The following SPAG16 variants were observed in gnomAD, a reference collection of about 807,000 sequenced individuals.
SPAG16 encodes sperm-associated antigen 16 protein.
A neutral mutation model predicts 80.4 loss-of-function variants in SPAG16; 86 were observed. The observed-to-expected ratio is 1.07, with a 90% CI of 0.90 to 1.28. The LOEUF (loss-of-function observed/expected upper bound fraction) is 1.28. SPAG16 is among the 50% of genes most tolerant of loss of function. The probability of loss-of-function intolerance (pLI) is 0.00; values close to 1 mark genes in which losing one functional copy is unlikely to be tolerated. For missense variants in SPAG16, 870 were observed against 765.3 expected (o/e 1.14, Z -1.61); for synonymous variants, 294 against 265.9 (o/e 1.11, Z -1.03).
chr2:214,391,664 G>T (rs1368060671), intron 15 of SPAG16, among the ~76,000 whole-genome samples: 1 of 152,182 alleles, frequency 6.6e-6, no homozygotes, highest in Non-Finnish European at 1.5e-5. Context: ...AACAGAGTGG[G>T]AGAAGTAGGG....
intron 7 of SPAG16, among the ~76,000 whole-genome samples, chr2:213,362,197 C>G (rs1052088188): frequency 6.6e-6 from 1 of 152,132 alleles, no homozygotes; most frequent in Non-Finnish European, 1.5e-5. Context: ...AGTGATCAAA[C>G]CTTCTGAAAC....
chr2:213,818,776 G>C (rs182839946), intron 10 of SPAG16, among the ~76,000 whole-genome samples: 3 of 152,100 alleles, frequency 2.0e-5, no homozygotes, highest in African/African-American at 4.8e-5. Context: ...TGCCATTCTC[G>C]TGATAGTGAG....
At chr2:213,885,446 T>C (rs1295237148) in intron 11 of SPAG16, among the ~76,000 whole-genome samples, 1 of 152,188 alleles carries the variant, frequency 6.6e-6, no homozygotes, top group Non-Finnish European at 1.5e-5. Context: ...TGCACATTGA[T>C]TTTGTTTCCT....
chr2:213,310,319 AACACACACACACACACACAC>A (rs59407158), intron 4 of SPAG16, 142 bp downstream of exon 4: 51,472 of 347,478 alleles, frequency 0.15, 4,517 homozygotes, highest in Non-Finnish European at 0.19. Context: ...CTGAAACCAC[AACACACACACACACACACAC>A]ACACACACAC....
chr2:214,224,297 A>G (rs1035697847), intron 15 of SPAG16, among the ~76,000 whole-genome samples: 1 of 152,192 alleles, frequency 6.6e-6, no homozygotes, highest in Non-Finnish European at 1.5e-5. Flanking sequence ...AAAATGTTTC[A>G]CAAACAATGA....
At chr2:213,716,973 AT>A (rs1358827141) in intron 10 of SPAG16, among the ~76,000 whole-genome samples, 2 of 151,814 alleles carry the variant, frequency 1.3e-5, no homozygotes, top group Admixed American at 6.6e-5. Flanking sequence ...GTTTGTGCTT[AT>A]TTTTTTTCCT....
chr2:214,204,426 T>G (rs1195505000), intron 15 of SPAG16, among the ~76,000 whole-genome samples: 1 of 152,202 alleles, frequency 6.6e-6, no homozygotes, highest in East Asian at 1.9e-4. Flanking sequence ...AGAGTCCACT[T>G]CATTCCCCTG....
At chr2:213,482,146 A>G (rs1488541632) in intron 9 of SPAG16, among the ~76,000 whole-genome samples, 1 of 152,256 alleles carries the variant, frequency 6.6e-6, no homozygotes, top group Non-Finnish European at 1.5e-5. Context: ...ACATTGTGCA[A>G]GGGAGCTTCG....
At chr2:214,290,857 T>C (rs1280649957) in intron 15 of SPAG16, among the ~76,000 whole-genome samples, 1 of 152,224 alleles carries the variant, frequency 6.6e-6, no homozygotes, top group South Asian at 2.1e-4. Context: ...TATTTTGTAA[T>C]TTTGGATAAA....
At chr2:213,371,737 A>C (rs2066648385) in intron 8 of SPAG16, among the ~76,000 whole-genome samples, 1 of 152,172 alleles carries the variant, frequency 6.6e-6, no homozygotes, top group Non-Finnish European at 1.5e-5. Context: ...TTTAGGGAAT[A>C]AGATGCAAAT....
chr2:214,109,152 T>C (rs1187769798), intron 14 of SPAG16, among the ~76,000 whole-genome samples: 1 of 152,186 alleles, frequency 6.6e-6, no homozygotes, highest in African/African-American at 2.4e-5. Flanking sequence ...TGCCATGCTC[T>C]GGGACTTCCC....
chr2:213,933,050 G>A (rs542487037), intron 12 of SPAG16, among the ~76,000 whole-genome samples: 3 of 151,570 alleles, frequency 2.0e-5, no homozygotes, highest in South Asian at 4.2e-4. Flanking sequence ...TGAATAAAGA[G>A]TGATTCAACA....
At chr2:213,607,649 A>G (rs944436244) in intron 10 of SPAG16, among the ~76,000 whole-genome samples, 1 of 152,218 alleles carries the variant, frequency 6.6e-6, no homozygotes, top group Non-Finnish European at 1.5e-5. Flanking sequence ...ACCGGAATCT[A>G]CTGATTCAAA....
intron 14 of SPAG16, among the ~76,000 whole-genome samples, chr2:214,119,594 G>T (rs1015968658): frequency 3.3e-5 from 5 of 152,008 alleles, no homozygotes. Flanking sequence ...GCTCTTGCTG[G>T]ACTTTTCCAT....
intron 10 of SPAG16, among the ~76,000 whole-genome samples, chr2:213,582,928 A>G (rs2060344350): frequency 6.6e-6 from 1 of 152,190 alleles, no homozygotes; most frequent in South Asian, 2.1e-4. Context: ...AATTTTTTAA[A>G]AGGTGATAAT....
At position 213,790,813 on chromosome 2, in the gene SPAG16, A is replaced by T. The variant is rs564582656; in HGVS notation, c.1071-71672A>T. 5.3e-5 allele frequency among the ~76,000 whole-genome samples: 8 copies of T among 152,166 alleles called. No homozygotes were observed. In the South Asian group the frequency reaches 1.7e-3, roughly 31 times the overall value. ...ATGATTTTGTCATGGGCCAATTCTGATTATGTCACATCAGTTGAAGATGCA... is the reference window on the plus strand; with the variant it reads ...ATGATTTTGTCATGGGCCAATTCTGTTTATGTCACATCAGTTGAAGATGCA... On this transcript the variant is annotated intron_variant, in intron 10 of 15. Coordinates refer to ENST00000331683, the MANE Select transcript of SPAG16 (RefSeq NM_024532.5).
chr2:213,772,446 T>C (rs2069308556), intron 10 of SPAG16, among the ~76,000 whole-genome samples: 1 of 152,210 alleles, frequency 6.6e-6, no homozygotes, highest in Admixed American at 6.5e-5. Flanking sequence ...AATAATCTTC[T>C]AACATAAGGT....
chr2:213,542,442 T>C (rs1016141559), intron 10 of SPAG16, among the ~76,000 whole-genome samples: 20 of 152,206 alleles, frequency 1.3e-4, no homozygotes, highest in African/African-American at 4.8e-4. Context: ...AACAAAATAT[T>C]GTTATGTATT....
At chr2:213,560,801 TC>T (rs2059576762) in intron 10 of SPAG16, among the ~76,000 whole-genome samples, 1 of 152,218 alleles carries the variant, frequency 6.6e-6, no homozygotes, top group South Asian at 2.1e-4. Flanking sequence ...TTTATTTCAG[TC>T]TCCAACTATT....
Sources: allele counts gnomAD v4.1 joint callset (sites outside exome capture counted in the v4.1 genomes callset), GRCh38; gene constraint gnomAD v4.1.1; transcripts MANE v1.5; gene names NCBI Gene and HGNC (gene_info 2026-07-23, HGNC 2026-07-21).